Variants in POTEH observed in about 807,000 individuals in gnomAD.
POTEH encodes POTE ankyrin domain family member H.
Under a neutral mutation model 41.7 loss-of-function variants are expected in POTEH, and 6 were observed. The ratio of observed to expected loss-of-function variants is 0.14; its 90% CI spans 0.08 to 0.28. The LOEUF (loss-of-function observed/expected upper bound fraction) is 0.28. Ranked by LOEUF, POTEH falls within the 10% of genes least tolerant of loss-of-function variation. The probability of loss-of-function intolerance (pLI) is 1.00; values close to 1 mark genes in which losing one functional copy is unlikely to be tolerated. For synonymous variants in POTEH, 38 were observed against 179.9 expected, an observed-to-expected ratio of 0.21 and a Z score of 6.31; for missense variants, 115 against 533.5, an observed-to-expected ratio of 0.22 and a Z score of 7.73.
intron 1 of POTEH, among the ~76,000 whole-genome samples, chr22:15,694,749 T>TG (rs1414436575): frequency 8.1e-6 from 1 of 123,168 alleles, no homozygotes; most frequent in African/African-American, 2.8e-5. Context: ...ATTATTTAAA[T>TG]GCCGCCAATT....
At chr22:15,713,270 G>T (rs1273159969) in intron 9 of POTEH, among the ~76,000 whole-genome samples, 1 of 152,288 alleles carries the variant, frequency 6.6e-6, no homozygotes, top group African/African-American at 2.4e-5. Context: ...ATAAATCTAT[G>T]CATTTTTTCT....
At chr22:15,692,763 A>AT (rs1989354790) in intron 1 of POTEH, among the ~76,000 whole-genome samples, 1 of 131,284 alleles carries the variant, frequency 7.6e-6, no homozygotes, top group African/African-American at 2.7e-5. Context: ...TAAAAAAAAA[A>AT]AAAAGCATGA....
chr22:15,713,186 A>G (rs1160457965), intron 9 of POTEH, among the ~76,000 whole-genome samples: 1 of 152,274 alleles, frequency 6.6e-6, no homozygotes, highest in Non-Finnish European at 1.5e-5. Flanking sequence ...CTTGATCTCA[A>G]TGCCAGTAAG....
At chr22:15,692,093 C>T (rs1419493787) in intron 1 of POTEH, among the ~76,000 whole-genome samples, 2 of 133,132 alleles carry the variant, frequency 1.5e-5, no homozygotes, top group Non-Finnish European at 3.4e-5. Context: ...GCAACCTCTG[C>T]CTCATAGGTT....
chr22:15,711,363 A>G (rs1468765024), intron 9 of POTEH, among the ~76,000 whole-genome samples: 1 of 152,030 alleles, frequency 6.6e-6, no homozygotes, highest in African/African-American at 2.4e-5. Context: ...AATAAGCAAA[A>G]TACTCGAATG....
rs1989924772 is a variant in POTEH at position 15,717,221 on chromosome 22, T to C, written c.1521-2439T>C. 1.1e-4 allele frequency among the ~76,000 whole-genome samples: 10 copies of C among 92,328 alleles called. 5 individuals carry two copies. Among genetic ancestry groups the C allele is most frequent in the Non-Finnish European group, 9.6e-5 (4 of 41,652 alleles). 60.6% of individuals were successfully genotyped at this position (92,328 alleles called of 152,430 possible). ...AGTTCATGGACACTGGCTGATTCCA[T>C]ATCTTTGCATATTGTGAATTGTGCT... is the stretch of plus-strand genomic sequence containing the variant. On this transcript the variant is annotated intron_variant, in intron 9 of 10. Coordinates refer to ENST00000343518, the MANE Select transcript of POTEH (RefSeq NM_001136213.1).
In POTEH at chr22:15,692,210, T is replaced by G. The variant is rs1410513300; in HGVS notation, c.632+1501T>G. ...TTAGTAGAGATGGGGTTTCACCATC[T>G]TGGCCAGGCTGGTCTTGAACTCCTG... On this transcript the variant is annotated intron_variant, in intron 1 of 10. Transcript: ENST00000343518. Among the ~76,000 whole-genome samples the G allele has an allele frequency of 1.2e-4, 17 of 139,756 alleles. No individual in the cohort carries two copies. The South Asian group carries it at 2.8e-3, about 23-fold the overall frequency. 91.7% of individuals were successfully genotyped at this position (139,756 alleles called of 152,430 possible).
At position 15,705,353 on chromosome 22, in the gene POTEH, C is replaced by CTTTGTT. The variant is rs1248524149; in HGVS notation, c.1237+2600_1237+2601insGTTTTT. The stretch of plus-strand genomic sequence containing the variant: ...CAATTACTCGTTTTAATATGTTGGC[C>CTTTGTT]TTTTTTTTTTTTTTTTTTTTTTGGT... On this transcript the variant is annotated intron_variant, in intron 6 of 10. Coordinates refer to ENST00000343518, the MANE Select transcript of POTEH (RefSeq NM_001136213.1). 4.5e-3 allele frequency among the ~76,000 whole-genome samples: 64 copies of CTTTGTT among 14,224 alleles called. 1 individual carries two copies. Among genetic ancestry groups the CTTTGTT allele is most frequent in the Non-Finnish European group, 6.5e-3 (52 of 7,970 alleles). The allele number at this position is 14,224 out of a possible 152,430, so 9.3% of individuals were successfully genotyped here. A position where few individuals can be genotyped will look rare whatever the true frequency, so the allele number is the denominator to read the frequency against.
At chr22:15,699,355 A>C (rs1989513430) in intron 4 of POTEH, 1 of 176,206 alleles carries the variant, frequency 5.7e-6, no homozygotes, top group East Asian at 1.8e-4. Context: ...GAGGGAGTGA[A>C]GATAGTTTTA....
chr22:15,711,088 CATG>C (rs1244480243), intron 9 of POTEH, 54 bp downstream of exon 9: 2 of 1,605,466 alleles, frequency 1.2e-6, no homozygotes, highest in Non-Finnish European at 1.7e-6. Context: ...GAATCTAATT[CATG>C]ATGAACAAAT....
rs1238011828 is a variant in POTEH at position 15,690,869 on chromosome 22, G to C, written c.632+160G>C. On this transcript the variant is annotated intron_variant, in intron 1 of 10. Transcript: ENST00000343518. ...GAGTTCAGGGCACAGGCCCCTTTAT[G>C]AGCAGCAACACAAAAACAAAACTTT... Among the ~76,000 whole-genome samples the C allele has an allele frequency of 1.5e-5, 2 of 129,998 alleles. 1 individual carries two copies. The highest frequency in any genetic ancestry group is 3.5e-5 in the Non-Finnish European group (2 of 56,824). 85.3% of individuals were successfully genotyped at this position (129,998 alleles called of 152,430 possible).
intron 7 of POTEH, among the ~76,000 whole-genome samples, 175 bp from the exon 8 acceptor site, chr22:15,709,602 AAAGTT>A (rs1989763356): frequency 9.1e-6 from 1 of 109,488 alleles, no homozygotes; most frequent in East Asian, 3.6e-4. Flanking sequence ...CATAGATTAA[AAAGTT>A]AATCTTAATT....
At chr22:15,691,243 G>T (rs1403472328) in intron 1 of POTEH, among the ~76,000 whole-genome samples, 1 of 140,988 alleles carries the variant, frequency 7.1e-6, no homozygotes, top group Admixed American at 7.4e-5. Context: ...GAGCTTTTTG[G>T]CTGGGCGTGG....
At chr22:15,710,420 C>G (rs1266539691) in intron 8 of POTEH, among the ~76,000 whole-genome samples, 3 of 144,078 alleles carry the variant, frequency 2.1e-5, no homozygotes, top group Non-Finnish European at 1.5e-5. Context: ...ATTCCTGAAG[C>G]CCCATGGTGT....
chr22:15,708,589 T>C (rs535133487), intron 7 of POTEH, among the ~76,000 whole-genome samples: 1 of 145,022 alleles, frequency 6.9e-6, no homozygotes, highest in East Asian at 2.0e-4. Flanking sequence ...TCAGCAACCT[T>C]ATTAAAAGAA....
intron 6 of POTEH, among the ~76,000 whole-genome samples, chr22:15,704,060 C>T (rs1989618411): frequency 6.6e-6 from 1 of 151,856 alleles, no homozygotes; most frequent in East Asian, 1.9e-4. Context: ...GTGCTAGATG[C>T]CCACTGGAAG....
Position 15,690,193 on chromosome 22 carries a change from GCAA to G in POTEH, c.117_119del (p.Lys40del), listed in dbSNP as rs2123821132. Reference sequence around the variant, plus strand: ...TGCTTCGCCTGGTGCAGGGGGAGCGGCAAGAGCAACGTGGGCACTTCTGGAGAC... The same window carrying G: ...TGCTTCGCCTGGTGCAGGGGGAGCGGGAGCAACGTGGGCACTTCTGGAGAC... On this transcript the variant is annotated inframe_deletion, in exon 1 of 11. Coordinates refer to ENST00000343518, the MANE Select transcript of POTEH (RefSeq NM_001136213.1). 1.5e-6 allele frequency: 2 copies of G among 1,361,202 alleles called. No individual in the cohort carries two copies. 84.3% of individuals were successfully genotyped at this position (1,361,202 alleles called of 1,614,324 possible). A position where few individuals can be genotyped will look rare whatever the true frequency, so the allele number is the denominator to read the frequency against.
intron 9 of POTEH, among the ~76,000 whole-genome samples, 174 bp downstream of exon 9, chr22:15,711,208 G>A (rs1326463413): frequency 6.6e-6 from 1 of 152,046 alleles, no homozygotes; most frequent in Non-Finnish European, 1.5e-5. Flanking sequence ...TTGAAAAATA[G>A]CCAGTATTGG....
chr22:15,711,645 TCA>T (rs1292516240), intron 9 of POTEH, among the ~76,000 whole-genome samples: 9 of 151,744 alleles, frequency 5.9e-5, no homozygotes, highest in African/African-American at 2.2e-4. Context: ...AGTAGCATAT[TCA>T]CACACACACA....
Sources: gnomAD v4.1 joint callset for allele counts (sites outside exome capture counted in the v4.1 genomes callset) on GRCh38, gnomAD v4.1.1 for gene constraint, MANE v1.5 for transcripts, NCBI Gene and HGNC (gene_info 2026-07-23, HGNC 2026-07-21) for gene names.